The following SCN1A variants were observed in gnomAD, a reference collection of about 807,000 sequenced individuals.
The protein encoded by SCN1A is sodium voltage-gated channel alpha subunit 1.
In SCN1A, 13 loss-of-function variants were observed where a neutral mutation model predicts 193.7. The ratio of observed to expected loss-of-function variants is 0.07; its 90% CI spans 0.04 to 0.11. The LOEUF is 0.11. SCN1A is among the 10% of genes least tolerant of loss of function. The probability of loss-of-function intolerance (pLI) is 1.00; values close to 1 mark genes in which losing one functional copy is unlikely to be tolerated. For synonymous variants in SCN1A, 781 were observed against 843.6 expected, an observed-to-expected ratio of 0.93 and a Z score of 1.29; for missense variants, 1,432 against 2,451.1, an observed-to-expected ratio of 0.58 and a Z score of 8.78.
intron 19 of SCN1A, among the ~76,000 whole-genome samples, chr2:166,030,936 A>C (rs1695476114): frequency 6.6e-6 from 1 of 152,150 alleles, no homozygotes; most frequent in South Asian, 2.1e-4. Context: ...AGTTTTGCCC[A>C]GCCTTCAAAG....
At chr2:166,066,855 G>A (rs754503385) in intron 4 of SCN1A, among the ~76,000 whole-genome samples, 1 of 152,104 alleles carries the variant, frequency 6.6e-6, no homozygotes, top group Non-Finnish European at 1.5e-5. Context: ...AATACTTGTT[G>A]GGAATTCATT....
intron 2 of SCN1A, among the ~76,000 whole-genome samples, chr2:166,081,167 A>G (rs2106019122): frequency 6.6e-6 from 1 of 152,042 alleles, no homozygotes; most frequent in East Asian, 1.9e-4. Context: ...GTGACCCTCA[A>G]AGTGCAGATG....
intron 2 of SCN1A, among the ~76,000 whole-genome samples, chr2:166,098,362 A>T (rs1687631018): frequency 6.6e-6 from 1 of 152,170 alleles, no homozygotes; most frequent in Non-Finnish European, 1.5e-5. Flanking sequence ...AGGCCAAAGC[A>T]TAAGAGCCAT....
intron 2 of SCN1A, among the ~76,000 whole-genome samples, chr2:166,118,302 C>CTTTT (rs61002916): frequency 1.2e-5 from 1 of 81,072 alleles, no homozygotes; most frequent in African/African-American, 5.1e-5. Context: ...TATTTAGTTT[C>CTTTT]TTTTTTTTTT....
intron 6 of SCN1A, among the ~76,000 whole-genome samples, chr2:166,055,206 A>G (rs1207569517): frequency 6.8e-6 from 1 of 147,210 alleles, no homozygotes; most frequent in African/African-American, 2.5e-5. Context: ...TTTTTTTTCT[A>G]CAAGATAATT....
chr2:166,131,191 GA>G (rs1227520590), upstream of SCN1A, among the ~76,000 whole-genome samples: 1 of 152,008 alleles, frequency 6.6e-6, no homozygotes, highest in African/African-American at 2.4e-5. Flanking sequence ...GCCATTCCAG[GA>G]ACCCCTTTGT....
intron 22 of SCN1A, among the ~76,000 whole-genome samples, chr2:166,010,526 CT>C (rs1692295562): frequency 6.6e-6 from 1 of 151,182 alleles, no homozygotes; most frequent in Non-Finnish European, 1.5e-5. Context: ...AATAAATTTA[CT>C]TCATTTGTAT....
At chr2:166,120,596 C>CTTTTT (rs57044851) in intron 2 of SCN1A, among the ~76,000 whole-genome samples, 1 of 72,484 alleles carries the variant, frequency 1.4e-5, no homozygotes, top group East Asian at 4.9e-4. Context: ...TTTCTTTTCT[C>CTTTTT]TTTTTTTTTT....
intron 2 of SCN1A, among the ~76,000 whole-genome samples, chr2:166,107,773 T>C (rs1032862527): frequency 6.6e-6 from 1 of 152,114 alleles, no homozygotes; most frequent in South Asian, 2.1e-4. Flanking sequence ...AAGGAAGGAT[T>C]TGAAACTGTG....
At position 165,992,237 on chromosome 2, in the gene SCN1A, C is replaced by T. The variant is rs1174355349; in HGVS notation, c.5038G>A (p.Val1680Ile). Residue 1680 changes from valine to isoleucine, a missense_variant, in exon 29 of 29, where the codon GTC becomes ATC. Val to Ile is a conservative substitution (Grantham distance 29). This residue lies in a region of SCN1A where 85 missense variants were observed against 213.2 expected (regional missense o/e 0.40). Coordinates refer to ENST00000674923, the MANE Select transcript of SCN1A (RefSeq NM_001165963.4). This position sits in a 1 kb window ranked among gnomAD's most constrained non-coding sequence, Gnocchi z 6.5. ...CCAAAGATGGCGTAGATGAACATGA[C>T]TAGGAAGAGTAGGAGGCCGATGTTA... ...LFNIGLLLFL[V>I]MFIYAIFGMS... 6.2e-7 allele frequency: 1 copy of T among 1,613,684 alleles called. No individual in the cohort carries two copies. The highest frequency in any genetic ancestry group is 8.5e-7 in the Non-Finnish European group (1 of 1,179,888).
At chr2:166,044,277 C>G (rs897410199) in intron 13 of SCN1A, among the ~76,000 whole-genome samples, 1 of 151,906 alleles carries the variant, frequency 6.6e-6, no homozygotes, top group Non-Finnish European at 1.5e-5. Context: ...TAGATTGCAA[C>G]CTTAACATAT....
intron 27 of SCN1A, 49 bp downstream of exon 27, chr2:165,995,964 C>G (rs1341651643): frequency 8.0e-7 from 1 of 1,252,138 alleles, no homozygotes; most frequent in East Asian, 2.3e-5. Context: ...GACAAGCATG[C>G]AAGTTTTTGT....
rs533909162 is a variant in SCN1A at position 166,112,466 on chromosome 2, A to T, written c.-142+14458T>A. 2.0e-5 allele frequency among the ~76,000 whole-genome samples: 3 copies of T among 152,292 alleles called. 1 individual carries two copies. Among genetic ancestry groups the T allele is most frequent in the African/African-American group, 7.2e-5 (3 of 41,562 alleles). On this transcript the variant is annotated intron_variant, in intron 2 of 28. Coordinates refer to ENST00000674923, the MANE Select transcript of SCN1A (RefSeq NM_001165963.4). Reference sequence around the variant, plus strand: ...AACATAACTTTTATATGCACTGGGAAATCAAAACACTTGTGTGACTCACTT... The same window carrying T: ...AACATAACTTTTATATGCACTGGGATATCAAAACACTTGTGTGACTCACTT...
At chr2:166,126,292 T>C (rs1471260395) in intron 2 of SCN1A, 1 of 152,202 alleles carries the variant, frequency 6.6e-6, no homozygotes, top group Non-Finnish European at 1.5e-5. Context: ...AGAGATGTGA[T>C]TTTGTAATTG....
intron 1 of SCN1A, among the ~76,000 whole-genome samples, chr2:166,148,518 G>A (rs938860544): frequency 4.6e-5 from 7 of 152,122 alleles, no homozygotes; most frequent in East Asian, 1.9e-4. Flanking sequence ...TGCTAGTGTC[G>A]AATGGCGCTT....
rs1309297081 is a variant in SCN1A at position 166,002,772 on chromosome 2, A to G, written c.4003-19T>C. The G allele has an allele frequency of 1.3e-6, 2 of 1,594,564 alleles. No homozygotes were observed. Among genetic ancestry groups the G allele is most frequent in the Admixed American group, 3.5e-5 (2 of 56,628 alleles). On this transcript the variant is annotated intron_variant, in intron 23 of 28. Coordinates refer to ENST00000674923, the MANE Select transcript of SCN1A (RefSeq NM_001165963.4). ...CAACCACCTAATACACAAATGGAAA[A>G]AAAGAAAAGTCAGAATTCTTATCTG...
rs1295510424 is a variant in SCN1A at position 166,085,972 on chromosome 2, C to G, written c.-141-8171G>C. Among the ~76,000 whole-genome samples the G allele has an allele frequency of 3.3e-5, 5 of 152,012 alleles. No individual in the cohort carries two copies. In the East Asian group the frequency reaches 9.6e-4, roughly 29 times the overall value. On this transcript the variant is annotated intron_variant, in intron 2 of 28. Transcript: ENST00000674923. ...GAGATAATTTCCTGATTCAGAAACTCAGTATATTAAATTTTCTGTATGTTA... is the reference window on the plus strand; with the variant it reads ...GAGATAATTTCCTGATTCAGAAACTGAGTATATTAAATTTTCTGTATGTTA...
At chr2:166,122,365 A>G (rs1258041775) in intron 2 of SCN1A, among the ~76,000 whole-genome samples, 1 of 152,190 alleles carries the variant, frequency 6.6e-6, no homozygotes, top group Non-Finnish European at 1.5e-5. Flanking sequence ...ATCTCCTTAA[A>G]TTTTCAGTGG....
At chr2:166,028,276 C>A (rs1695069267) in intron 19 of SCN1A, among the ~76,000 whole-genome samples, 1 of 152,076 alleles carries the variant, frequency 6.6e-6, no homozygotes, top group Non-Finnish European at 1.5e-5. Context: ...CAAAAAAATT[C>A]TGAAAAATTG....
Sources: allele counts gnomAD v4.1 joint callset (sites outside exome capture counted in the v4.1 genomes callset), GRCh38; gene constraint gnomAD v4.1.1; regional missense constraint gnomAD v4.1.1; non-coding constraint Gnocchi (gnomAD v3.1); transcripts MANE v1.5; gene names NCBI Gene and HGNC (gene_info 2026-07-23, HGNC 2026-07-21).